MMP16: variants seen among roughly 807,000 people sequenced by gnomAD.
MMP16 encodes the protein matrix metallopeptidase 16, also known as matrix metalloproteinase-16.
A neutral mutation model predicts 67.8 loss-of-function variants in MMP16; 12 were observed. The observed-to-expected ratio is 0.18, with a 90% CI of 0.11 to 0.29. The LOEUF is 0.29. Ranked by LOEUF, MMP16 falls within the 10% of genes least tolerant of loss-of-function variation. MMP16 has a pLI of 1.00. For missense variants in MMP16, 475 were observed against 765.7 expected, an observed-to-expected ratio of 0.62 and a Z score of 4.48; for synonymous variants, 249 against 255.9, an observed-to-expected ratio of 0.97 and a Z score of 0.26.
intron 1 of MMP16, among the ~76,000 whole-genome samples, chr8:88,314,205 T>C (rs972482608): frequency 2.0e-5 from 3 of 152,208 alleles, no homozygotes; most frequent in Non-Finnish European, 2.9e-5. Flanking sequence ...TTATTTTTAA[T>C]CTCATGTATT....
At chr8:88,089,781 A>C (rs1176186195) in intron 6 of MMP16, among the ~76,000 whole-genome samples, 1 of 151,942 alleles carries the variant, frequency 6.6e-6, no homozygotes, top group Non-Finnish European at 1.5e-5. Context: ...TTAGGTAGAG[A>C]AGTAAATGTT....
intron 1 of MMP16, among the ~76,000 whole-genome samples, chr8:88,208,888 T>A (rs1357672182): frequency 6.7e-6 from 1 of 148,924 alleles, no homozygotes; most frequent in Non-Finnish European, 1.5e-5. Flanking sequence ...AAGATATGGA[T>A]CTTGGAGAAA....
At chr8:88,042,788 C>G (rs552132948) in intron 9 of MMP16, among the ~76,000 whole-genome samples, 11 of 152,208 alleles carry the variant, frequency 7.2e-5, no homozygotes, top group Middle Eastern at 3.4e-3. Flanking sequence ...GGACATTTTT[C>G]TTAGGTCTAT....
chr8:88,056,472 T>C (rs1395752844), intron 7 of MMP16, among the ~76,000 whole-genome samples, 194 bp from the exon 8 acceptor site: 1 of 151,142 alleles, frequency 6.6e-6, no homozygotes, highest in Non-Finnish European at 1.5e-5. Context: ...TGAAATATCA[T>C]TCAGAAGTGG....
At chr8:88,258,752 CTA>C (rs938312035) in intron 1 of MMP16, among the ~76,000 whole-genome samples, 11 of 152,126 alleles carry the variant, frequency 7.2e-5, no homozygotes, top group Admixed American at 2.0e-4. Flanking sequence ...TATTGTTCGC[CTA>C]TCTCAATAAC....
At chr8:88,181,959 A>C (rs1273603434) in intron 3 of MMP16, among the ~76,000 whole-genome samples, 3 of 152,116 alleles carry the variant, frequency 2.0e-5, no homozygotes, top group Non-Finnish European at 2.9e-5. Context: ...CACAAGTAAA[A>C]GAAGTGAATC....
At chr8:88,238,071 GT>G (rs1809972769) in intron 1 of MMP16, among the ~76,000 whole-genome samples, 1 of 152,196 alleles carries the variant, frequency 6.6e-6, no homozygotes, top group Non-Finnish European at 1.5e-5. Context: ...TACCTATTGT[GT>G]TTATGAAAGT....
intron 1 of MMP16, among the ~76,000 whole-genome samples, chr8:88,325,464 A>G (rs1012029914): frequency 6.6e-6 from 1 of 152,122 alleles, no homozygotes; most frequent in Admixed American, 6.5e-5. Flanking sequence ...CCTCACCACC[A>G]TCACCACCAA....
At chr8:88,138,746 T>G (rs1808163502) in intron 4 of MMP16, among the ~76,000 whole-genome samples, 1 of 152,228 alleles carries the variant, frequency 6.6e-6, no homozygotes, top group South Asian at 2.1e-4. Context: ...TGGTTCCTTT[T>G]TCACCAGGAT....
chr8:88,180,652 C>CAA (rs933587831), intron 3 of MMP16, among the ~76,000 whole-genome samples: 2 of 148,640 alleles, frequency 1.3e-5, no homozygotes, highest in African/African-American at 4.9e-5. Context: ...GATAGAACTG[C>CAA]AAAAAAAAAT....
chr8:88,250,977 T>C (rs1199701192), intron 1 of MMP16, among the ~76,000 whole-genome samples: 3 of 142,436 alleles, frequency 2.1e-5, no homozygotes, highest in African/African-American at 5.2e-5. Flanking sequence ...CCTTCCTGTG[T>C]CCATGTGATC....
Position 88,056,114 on chromosome 8 carries a change from A to G in MMP16, c.1373+14T>C. ...GTTAATTAACTGTTTTTCTCATGAGAAGTGTATACTGACCTGTCTCCCTTG... is the reference window on the plus strand; with the variant it reads ...GTTAATTAACTGTTTTTCTCATGAGGAGTGTATACTGACCTGTCTCCCTTG... On this transcript the variant is annotated intron_variant, in intron 8 of 9. Coordinates refer to ENST00000286614, the MANE Select transcript of MMP16 (RefSeq NM_005941.5). 2.7e-6 allele frequency: 4 copies of G among 1,467,852 alleles called. No homozygotes were observed. The East Asian group carries it at 1.0e-4, about 38-fold the overall frequency. The allele number at this position is 1,467,852 out of a possible 1,614,324, so 90.9% of individuals were successfully genotyped here.
chr8:88,310,924 T>A (rs1305499218), intron 1 of MMP16, among the ~76,000 whole-genome samples: 5 of 152,158 alleles, frequency 3.3e-5, no homozygotes, highest in African/African-American at 4.8e-5. Flanking sequence ...TTTTTGTGTG[T>A]CCATGAGTTA....
In MMP16 at chr8:88,078,488, G is replaced by A. The variant is rs369306192; in HGVS notation, c.1084-3745C>T. Among the ~76,000 whole-genome samples, 140 of 152,182 alleles carry A rather than the reference G, an allele frequency of 9.2e-4. 1 individual carries two copies. The highest frequency in any genetic ancestry group is 3.4e-3 in the Middle Eastern group (1 of 294). On this transcript the variant is annotated intron_variant, in intron 6 of 9. Transcript: ENST00000286614. ...GTTTGCTGAGAACTATATGGAAAAG[G>A]CCTACTGTCTGAATATGAAATTATG...
chr8:88,124,696 C>T (rs554061652), intron 4 of MMP16, among the ~76,000 whole-genome samples: 16 of 152,026 alleles, frequency 1.1e-4, no homozygotes, highest in Admixed American at 8.5e-4. Context: ...TATTTTAAAA[C>T]TTAGGAAGTG....
intron 1 of MMP16, among the ~76,000 whole-genome samples, chr8:88,270,648 C>A (rs1376158934): frequency 6.6e-6 from 1 of 152,118 alleles, no homozygotes; most frequent in African/African-American, 2.4e-5. Flanking sequence ...TGGCCTGAGC[C>A]TATATAAAGT....
At chr8:88,138,087 G>T (rs529775724) in intron 4 of MMP16, among the ~76,000 whole-genome samples, 1 of 151,026 alleles carries the variant, frequency 6.6e-6, no homozygotes, top group African/African-American at 2.4e-5. Context: ...TGAATCATGT[G>T]TGTATGTGTT....
chr8:88,250,593 T>C (rs1810194408), intron 1 of MMP16, among the ~76,000 whole-genome samples: 1 of 151,890 alleles, frequency 6.6e-6, no homozygotes, highest in Non-Finnish European at 1.5e-5. Context: ...ATGAACAATA[T>C]CTATCCTATA....
intron 4 of MMP16, among the ~76,000 whole-genome samples, chr8:88,149,099 C>T (rs552567541): frequency 1.1e-3 from 164 of 152,320 alleles, no homozygotes; most frequent in African/African-American, 3.7e-3. Flanking sequence ...AAAGGGGTGA[C>T]GGACGCACCT....
Sources: allele counts gnomAD v4.1 joint callset (sites outside exome capture counted in the v4.1 genomes callset), GRCh38; gene constraint gnomAD v4.1.1; transcripts MANE v1.5; gene names NCBI Gene and HGNC (gene_info 2026-07-23, HGNC 2026-07-21).